FAXDC2: variants seen among roughly 807,000 people sequenced by gnomAD.
The protein encoded by FAXDC2 is fatty acid hydroxylase domain-containing protein 2.
FAXDC2 carries 41 observed loss-of-function variants against 40.9 expected under a neutral mutation model. The ratio of observed to expected loss-of-function variants is 1.00; its 90% CI spans 0.78 to 1.30. The LOEUF (loss-of-function observed/expected upper bound fraction) is 1.30, where lower values mean the gene tolerates loss of function less well. FAXDC2 is among the 50% of genes most tolerant of loss of function. FAXDC2 has a pLI of 0.00. For missense variants in FAXDC2, 390 were observed against 408.8 expected, an observed-to-expected ratio of 0.95 and a Z score of 0.40; for synonymous variants, 157 against 149.3, an observed-to-expected ratio of 1.05 and a Z score of -0.38.
At chr5:154,821,949 C>G (rs32426) in intron 7 of FAXDC2, 1 of 156,348 alleles carries the variant, frequency 6.4e-6, no homozygotes, top group African/African-American at 2.4e-5. Flanking sequence ...ATCAGCCAGG[C>G]GTGGTGGCAC....
chr5:154,821,233 G>T (rs1328095353), intron 8 of FAXDC2, 27 bp downstream of exon 8: 1 of 1,593,584 alleles, frequency 6.3e-7, no homozygotes, highest in African/African-American at 1.4e-5. Context: ...GTTGCCTAGG[G>T]ACCCATTGTG....
At chr5:154,839,734 G>GA (rs1760436341) in intron 1 of FAXDC2, among the ~76,000 whole-genome samples, 1 of 152,146 alleles carries the variant, frequency 6.6e-6, no homozygotes, top group Non-Finnish European at 1.5e-5. Context: ...TGGACCATAT[G>GA]AATGTACTAG....
intron 5 of FAXDC2, among the ~76,000 whole-genome samples, chr5:154,827,656 C>CT (rs1369109867): frequency 6.7e-6 from 1 of 150,100 alleles, no homozygotes; most frequent in African/African-American, 2.5e-5. Context: ...CCACCTCAGC[C>CT]TCCCAAGTAG....
rs1377811263 is a variant in FAXDC2 at position 154,823,467 on chromosome 5, C to T, written c.492G>A (p.Glu164=). 29 of 1,614,084 alleles carry T rather than the reference C, an allele frequency of 1.8e-5. No individual in the cohort carries two copies. Among genetic ancestry groups the T allele is most frequent in the Non-Finnish European group, 2.5e-5 (29 of 1,180,050 alleles). ...GGAGGAACCAGTGGAAGGTGGGTAG[C>T]TCACGGCGGCAGGGGTCTCTCCACC... ...LKWWRDPCRR[E]LPTFHWFLLE... Residue 164 remains glutamate, a synonymous_variant, in exon 6 of 9, where the codon GAG becomes GAA. Coordinates refer to ENST00000326080, the MANE Select transcript of FAXDC2 (RefSeq NM_032385.5).
At chr5:154,833,040 T>TC (rs1385338062) in intron 4 of FAXDC2, among the ~76,000 whole-genome samples, 1 of 151,810 alleles carries the variant, frequency 6.6e-6, no homozygotes, top group East Asian at 1.9e-4. Context: ...TTTAAATACT[T>TC]CTTTTTTTTT....
intron 1 of FAXDC2, among the ~76,000 whole-genome samples, chr5:154,844,382 C>CAAA (rs1227960252): frequency 1.1e-5 from 1 of 90,178 alleles, no homozygotes; most frequent in African/African-American, 4.2e-5. Flanking sequence ...ACCCTGCCTC[C>CAAA]AAAAAAAAAA....
Position 154,830,816 on chromosome 5 carries a change from G to T in FAXDC2, c.351C>A (p.Val117=). 1 of 1,614,026 alleles carries T rather than the reference G, an allele frequency of 6.2e-7. No individual in the cohort carries two copies. The highest frequency in any genetic ancestry group is 8.5e-7 in the Non-Finnish European group (1 of 1,179,962). ...PNFISRYRIQ[V]GKNEPVDPVK... ...CAACACTTACAGGTTCATTCTTGCC[G>T]ACCTGAATTCGGTAGCGAGAGATGA... Residue 117 remains valine (V), a synonymous_variant, in exon 5 of 9, where the codon GTC becomes GTA. Transcript: ENST00000326080.
rs779697775 is a variant in FAXDC2, at chr5:154,821,405, T to TCAC, written c.697_699dup (p.Val233dup). The stretch of plus-strand genomic sequence containing the variant: ...GAGCCCATTACTAATGGGCCCACTA[T>TCAC]CACCGGTAGCATGTTGGAGACCTGC... On this transcript the variant is annotated inframe_insertion, in exon 8 of 9. Coordinates refer to ENST00000326080, the MANE Select transcript of FAXDC2 (RefSeq NM_032385.5). 6.2e-7 allele frequency: 1 copy of TCAC among 1,612,132 alleles called. No homozygotes were observed. Among genetic ancestry groups the TCAC allele is most frequent in the Non-Finnish European group, 8.5e-7 (1 of 1,179,276 alleles).
At chr5:154,824,709 A>G (rs1759978758) in intron 5 of FAXDC2, 1 of 593,654 alleles carries the variant, frequency 1.7e-6, no homozygotes. Context: ...GGTGTTGAAA[A>G]TAAAGCATGA....
At chr5:154,820,920 C>T (rs907360537) in intron 8 of FAXDC2, 3 of 302,422 alleles carry the variant, frequency 9.9e-6, no homozygotes, top group African/African-American at 6.8e-5. Flanking sequence ...GGTTTGTAGA[C>T]TACACTTGAA....
intron 5 of FAXDC2, among the ~76,000 whole-genome samples, chr5:154,828,607 TC>T (rs920660044): frequency 4.0e-5 from 6 of 150,730 alleles, no homozygotes; most frequent in Non-Finnish European, 7.4e-5. Context: ...GTTTTTTTTT[TC>T]CCCCTAGAGA....
At chr5:154,843,713 A>T (rs1171387863) in intron 1 of FAXDC2, among the ~76,000 whole-genome samples, 4 of 152,256 alleles carry the variant, frequency 2.6e-5, no homozygotes, top group Non-Finnish European at 5.9e-5. Context: ...AGAGAAAAAA[A>T]TATTTAACAG....
intron 8 of FAXDC2, 87 bp from the exon 9 acceptor site, chr5:154,820,559 T>G (rs925700124): frequency 7.0e-5 from 79 of 1,135,970 alleles, no homozygotes; most frequent in Non-Finnish European, 9.9e-5. Context: ...CACACATTTC[T>G]CAGCCCTCCT....
At chr5:154,824,440 GTCC>G (rs1463878915) in intron 5 of FAXDC2, 8 of 701,888 alleles carry the variant, frequency 1.1e-5, no homozygotes, top group Admixed American at 2.0e-5. Context: ...GTTCAGAATG[GTCC>G]CCAGCTTGAG....
chr5:154,828,700 G>C (rs983649736), intron 5 of FAXDC2, among the ~76,000 whole-genome samples: 6 of 150,404 alleles, frequency 4.0e-5, no homozygotes, highest in African/African-American at 1.5e-4. Context: ...AGGTTCAAGT[G>C]ATCCTCCTGC....
rs138277612 is a variant in FAXDC2, at chr5:154,832,856, A to G, written c.244+1769T>C. On this transcript the variant is annotated intron_variant, in intron 4 of 8. Coordinates refer to ENST00000326080, the MANE Select transcript of FAXDC2 (RefSeq NM_032385.5). ...ATACATAGGTAATCTGCATTGTTCA[A>G]TGACTGCTTAAGATCCCATTAAATC... Among the ~76,000 whole-genome samples, 5 of 152,240 alleles carry G rather than the reference A, an allele frequency of 3.3e-5. No homozygotes were observed. The East Asian group carries it at 9.7e-4, about 29-fold the overall frequency.
At chr5:154,823,105 G>C (rs114145303) in intron 6 of FAXDC2, among the ~76,000 whole-genome samples, 1,834 of 152,140 alleles carry the variant, frequency 0.012, 37 homozygotes, top group African/African-American at 0.042. Context: ...TTGACCTCCC[G>C]GGCTCATGTG....
chr5:154,821,204 A>G, intron 8 of FAXDC2, 56 bp downstream of exon 8: 1 of 1,419,946 alleles, frequency 7.0e-7, no homozygotes, highest in Non-Finnish European at 9.8e-7. Context: ...CAGAAGCTTA[A>G]GGAGGGAGGG....
In FAXDC2 at chr5:154,820,090, C is replaced by G; in HGVS notation, c.*226G>C. On this transcript the variant is annotated 3_prime_UTR_variant, in exon 9 of 9. Coordinates refer to ENST00000326080, the MANE Select transcript of FAXDC2 (RefSeq NM_032385.5). Reference sequence around the variant, plus strand: ...CTCCAGTCTGGGGAGCTGTGTTTTCCTTTTTCTTAAGCTAACTCCTGATCC... The same window carrying G: ...CTCCAGTCTGGGGAGCTGTGTTTTCGTTTTTCTTAAGCTAACTCCTGATCC... The G allele has an allele frequency of 2.2e-6, 1 of 462,032 alleles. No individual in the cohort carries two copies. The highest frequency in any genetic ancestry group is 4.0e-6 in the Non-Finnish European group (1 of 247,510). The allele number at this position is 462,032 out of a possible 1,614,324, so 28.6% of individuals were successfully genotyped here.
Sources: allele counts gnomAD v4.1 joint callset (sites outside exome capture counted in the v4.1 genomes callset), GRCh38; gene constraint gnomAD v4.1.1; transcripts MANE v1.5; gene names NCBI Gene and HGNC (gene_info 2026-07-23, HGNC 2026-07-21).